Variants in PRRC2C observed in about 807,000 individuals in gnomAD.
The protein encoded by PRRC2C is proline rich coiled-coil 2C, also known as protein PRRC2C.
In PRRC2C, 72 loss-of-function variants were observed where a neutral mutation model predicts 317.2. That is an observed-to-expected ratio of 0.23 (90% CI 0.19 to 0.28). The LOEUF (loss-of-function observed/expected upper bound fraction) is 0.28, where lower values mean the gene tolerates loss of function less well. PRRC2C is among the 10% of genes least tolerant of loss of function. PRRC2C has a pLI of 1.00. For missense variants in PRRC2C, 3,074 were observed against 3,459.7 expected (o/e 0.89, Z 2.80); for synonymous variants, 1,296 against 1,205.9 (o/e 1.07, Z -1.55).
At chr1:171,547,249 T>C (rs1679285232) in intron 17 of PRRC2C, among the ~76,000 whole-genome samples, 2 of 152,200 alleles carry the variant, frequency 1.3e-5, no homozygotes, top group Admixed American at 1.3e-4. Context: ...CTGGTAACAC[T>C]GTTTTTAAGT....
rs765803648 is a variant in PRRC2C, at chr1:171,568,229, T to C, written c.6559-18T>C. 6.4e-7 allele frequency: 1 copy of C among 1,574,390 alleles called. No homozygotes were observed. Among genetic ancestry groups the C allele is most frequent in the South Asian group, 1.2e-5 (1 of 85,686 alleles). ...AATTCAGTTTAAAATGTATTTTTTT[T>C]CTATTACTACTTCACAGGAGTCTGT... On this transcript the variant is annotated intron_variant, in intron 22 of 34. Transcript: ENST00000647382.
Position 171,557,516 on chromosome 1 carries a change from C to T in PRRC2C, c.5404C>T (p.Pro1802Ser). Reference sequence around the variant, plus strand: ...TCCAGTTCTGGCCTCAACCTCAGCTCCAGTTCCAGCCTCACCCTTAGCTCC... The same window carrying T: ...TCCAGTTCTGGCCTCAACCTCAGCTTCAGTTCCAGCCTCACCCTTAGCTCC... ...LAPVLASTSA[P>S]VPASPLAPVS... The change falls in exon 19 of 35, where the codon CCA (proline) becomes TCA (serine). Residue 1802 changes from proline (P) to serine (S), a missense_variant. Transcript: ENST00000647382. 6.4e-7 allele frequency: 1 copy of T among 1,551,544 alleles called. No individual in the cohort carries two copies.
intron 10 of PRRC2C, among the ~76,000 whole-genome samples, chr1:171,525,990 AAAG>A (rs1268849552): frequency 1.3e-5 from 2 of 152,194 alleles, no homozygotes; most frequent in Non-Finnish European, 1.5e-5. Context: ...GAACCCTGAA[AAAG>A]AAGAATTTTT....
chr1:171,588,595 TAAG>T (rs1432332198), intron 33 of PRRC2C, 90 bp downstream of exon 33: 104 of 1,339,498 alleles, frequency 7.8e-5, no homozygotes, highest in South Asian at 6.5e-4. Context: ...GTTAACCAGT[TAAG>T]AAGTACAGTT....
Position 171,550,088 on chromosome 1 carries a change from G to A in PRRC2C, c.4975G>A (p.Val1659Ile), listed in dbSNP as rs1679918724. The A allele has an allele frequency of 6.3e-7, 1 of 1,592,220 alleles. No homozygotes were observed. Among genetic ancestry groups the A allele is most frequent in the Non-Finnish European group, 8.5e-7 (1 of 1,170,480 alleles). The change falls in exon 18 of 35, where the codon GTT becomes ATT. Residue 1659 changes from valine (V) to isoleucine (I), a missense_variant and splice_region_variant. Physicochemically the swap from Val to Ile is conservative, Grantham distance 29 (BLOSUM62 3). This residue lies in a region of PRRC2C where 3 missense variants were observed against 18.5 expected (regional missense o/e 0.16). Coordinates refer to ENST00000647382, the MANE Select transcript of PRRC2C (RefSeq NM_001387844.1). ...TAAATCCTTTCCCACACCCACAGGT[G>A]TTGTTATAATTGATGATCATCCTGA... is the stretch of plus-strand genomic sequence containing the variant. Reference protein sequence around the residue: ...SQFDLNNYASVVIIDDHPEVT... With the variant: ...SQFDLNNYASIVIIDDHPEVT...
rs138006117 is a variant in PRRC2C, at chr1:171,584,090, C to G, written c.7544C>G (p.Thr2515Arg). Residue 2515 changes from threonine to arginine, a missense_variant, in exon 29 of 35, where the codon ACA becomes AGA. Coordinates refer to ENST00000647382, the MANE Select transcript of PRRC2C (RefSeq NM_001387844.1). The part of the protein sequence containing the change: ...KAQSGLAFQQ[T>R]SNTQPIPILY... The stretch of plus-strand genomic sequence containing the variant: ...CAATCCGGTCTTGCCTTTCAGCAAA[C>G]ATCAAATACTCAGCCCATTCCTATA... 6.2e-7 allele frequency: 1 copy of G among 1,613,820 alleles called. No individual in the cohort carries two copies. Among genetic ancestry groups the G allele is most frequent in the African/African-American group, 1.3e-5 (1 of 74,918 alleles).
At chr1:171,558,254 T>C (rs1681826448) in intron 19 of PRRC2C, 111 bp downstream of exon 19, 4 of 1,340,964 alleles carry the variant, frequency 3.0e-6, no homozygotes, top group Non-Finnish European at 3.9e-6. Context: ...TCATTTTTTA[T>C]TGTAGGAAAA....
chr1:171,509,698 A>G (rs1557880166), intron 1 of PRRC2C: 7 of 152,010 alleles, frequency 4.6e-5, no homozygotes. Context: ...GTCTTAGTCA[A>G]TCTGGAAGAC....
chr1:171,567,879 G>A (rs1386605292), intron 22 of PRRC2C, among the ~76,000 whole-genome samples: 1 of 152,124 alleles, frequency 6.6e-6, no homozygotes, highest in African/African-American at 2.4e-5. Flanking sequence ...ACAACTATTA[G>A]GCTATCATTA....
rs1302866990 is a variant in PRRC2C, at chr1:171,566,330, C to G, written c.6215C>G (p.Pro2072Arg). 2 of 1,603,934 alleles carry G rather than the reference C, an allele frequency of 1.2e-6. No individual in the cohort carries two copies. Among genetic ancestry groups the G allele is most frequent in the Non-Finnish European group, 1.7e-6 (2 of 1,175,066 alleles). The change falls in exon 21 of 35, where the codon CCT (proline) becomes CGT (arginine). Residue 2072 changes from proline (P) to arginine (R), a missense_variant. Pro to Arg is a moderately radical substitution (Grantham distance 103). Coordinates refer to ENST00000647382, the MANE Select transcript of PRRC2C (RefSeq NM_001387844.1). Reference sequence around the variant, plus strand: ...AATGGAAATGAAAATGAAGTTGTTCCTGTGCTTTCGGAAAAATCTGCTGAC... The same window carrying G: ...AATGGAAATGAAAATGAAGTTGTTCGTGTGCTTTCGGAAAAATCTGCTGAC... ...ASNGNENEVV[P>R]VLSEKSADKI...
rs752708095 is a variant in PRRC2C at position 171,587,753 on chromosome 1, TA to T, written c.8072+6del. On this transcript the variant is annotated splice_donor_region_variant and intron_variant, in intron 32 of 34. Transcript: ENST00000647382. The stretch of plus-strand genomic sequence containing the variant: ...CACACCAACATCTAGTCCCTTCCGG[TA>T]AAATGGGCATTTAAATTTGCTTATG... 2.5e-6 allele frequency: 4 copies of T among 1,596,054 alleles called. No individual in the cohort carries two copies. The highest frequency in any genetic ancestry group is 1.1e-5 in the South Asian group (1 of 90,436).
At position 171,485,537 on chromosome 1, in the gene PRRC2C, T is replaced by C. The variant is rs1665854844; in HGVS notation, c.-256T>C. The C allele has an allele frequency of 6.6e-6, 1 of 152,670 alleles. No homozygotes were observed. The highest frequency in any genetic ancestry group is 6.5e-5 in the Admixed American group (1 of 15,280). 9.5% of individuals were successfully genotyped at this position (152,670 alleles called of 1,614,324 possible). On this transcript the variant is annotated 5_prime_UTR_variant, in exon 1 of 35. Transcript: ENST00000647382. ...CGTAGGGGCTGGCTAGCCGCCATCT[T>C]GCTTCTTTTTCTCGCTCGCTCGCTC...
chr1:171,518,035 G>A (rs777784736), intron 6 of PRRC2C, among the ~76,000 whole-genome samples: 6 of 152,174 alleles, frequency 3.9e-5, no homozygotes, highest in Admixed American at 6.5e-5. Flanking sequence ...ACGTTACCAC[G>A]CAGTGTTTCT....
chr1:171,589,365 T>A lies in PRRC2C; in HGVS notation c.8200-4T>A. The A allele has an allele frequency of 3.3e-6, 4 of 1,201,184 alleles. No individual in the cohort carries two copies. Among genetic ancestry groups the A allele is most frequent in the Non-Finnish European group, 3.3e-6 (3 of 911,486 alleles). The allele number at this position is 1,201,184 out of a possible 1,614,324, so 74.4% of individuals were successfully genotyped here. ...ATGTTGTATGTTTTGTTTTTTTCAC[T>A]CAGATTCTCTCCCAGCCTAACCTGG... On this transcript the variant is annotated splice_polypyrimidine_tract_variant and splice_region_variant and intron_variant, in intron 33 of 34. Transcript: ENST00000647382.
In PRRC2C at chr1:171,515,782, C is replaced by T; in HGVS notation, c.449C>T (p.Ala150Val). The T allele has an allele frequency of 1.2e-6, 2 of 1,610,460 alleles. No homozygotes were observed. The highest frequency in any genetic ancestry group is 1.1e-5 in the South Asian group (1 of 90,754). ...CAGCAAGAATTTCCCAGCCTGCAGG[C>T]AGCTGGGGATCAGGAAAAAAAAGAA... ...QFQQEFPSLQ[A>V]AGDQEKKEKE... Residue 150 changes from alanine to valine, a missense_variant, in exon 5 of 35, where the codon GCA (alanine) becomes GTA (valine). By Grantham distance (64) the Ala-to-Val change is moderately conservative. Transcript: ENST00000647382.
Position 171,541,526 on chromosome 1 carries a change from G to A in PRRC2C, c.4060G>A (p.Gly1354Arg). Residue 1354 changes from glycine to arginine, a missense_variant, in exon 16 of 35, where the codon GGA (glycine) becomes AGA (arginine). By Grantham distance (125) the Gly-to-Arg change is moderately radical. Around this residue, in one of 11 missense-constraint regions of PRRC2C, gnomAD observed 1,320 missense variants for 1,395.7 expected, o/e 0.95. Coordinates refer to ENST00000647382, the MANE Select transcript of PRRC2C (RefSeq NM_001387844.1). This position sits in a 1 kb window ranked among gnomAD's most constrained non-coding sequence, Gnocchi z 4.1. ...RGRGGTFRRG[G>R]RDPGGRPSRP... ...CAGAGGGGGAACATTCAGGCGTGGTGGAAGGGATCCTGGAGGCCGTCCATC... is the reference window on the plus strand; with the variant it reads ...CAGAGGGGGAACATTCAGGCGTGGTAGAAGGGATCCTGGAGGCCGTCCATC... 6.2e-7 allele frequency: 1 copy of A among 1,613,584 alleles called. No individual in the cohort carries two copies. Among genetic ancestry groups the A allele is most frequent in the Non-Finnish European group, 8.5e-7 (1 of 1,179,786 alleles).
Position 171,515,819 on chromosome 1 carries a change from T to C in PRRC2C, c.486T>C (p.Asn162=), listed in dbSNP as rs1378270075. The change falls in exon 5 of 35, where the codon AAT becomes AAC. Residue 162 remains asparagine (N), a synonymous_variant. Coordinates refer to ENST00000647382, the MANE Select transcript of PRRC2C (RefSeq NM_001387844.1). ...AGGAAAAAAAAGAAAAGGAAACAAA[T>C]GATGACAACTATGGACCTGGACCCA... ...GDQEKKEKET[N]DDNYGPGPSL... The C allele has an allele frequency of 6.2e-7, 1 of 1,612,146 alleles. No individual in the cohort carries two copies. Among genetic ancestry groups the C allele is most frequent in the South Asian group, 1.1e-5 (1 of 90,882 alleles).
intron 6 of PRRC2C, among the ~76,000 whole-genome samples, chr1:171,520,705 A>G (rs72717823): frequency 0.055 from 8,354 of 151,974 alleles, 317 homozygotes; most frequent in Non-Finnish European, 0.086. Flanking sequence ...AAAATTCTCC[A>G]GAGTATCCCT....
At chr1:171,576,330 G>A (rs235511) in intron 25 of PRRC2C, among the ~76,000 whole-genome samples, 142,300 of 152,248 alleles carry the variant, frequency 0.93, 66,593 homozygotes, top group African/African-American at 0.98. Flanking sequence ...TTCCTCCACT[G>A]TGCTTGACTA....
Sources: allele counts gnomAD v4.1 joint callset (sites outside exome capture counted in the v4.1 genomes callset), GRCh38; gene constraint gnomAD v4.1.1; regional missense constraint gnomAD v4.1.1; non-coding constraint Gnocchi (gnomAD v3.1); transcripts MANE v1.5; gene names NCBI Gene and HGNC (gene_info 2026-07-23, HGNC 2026-07-21).